ASTN2: variants seen among roughly 807,000 people sequenced by gnomAD.
ASTN2 encodes the protein astrotactin 2.
In ASTN2, 54 loss-of-function variants were observed where a neutral mutation model predicts 139.8. The ratio of observed to expected loss-of-function variants is 0.39; its 90% CI spans 0.31 to 0.48. The LOEUF (loss-of-function observed/expected upper bound fraction) is 0.48, where lower values mean the gene tolerates loss of function less well. ASTN2 is among the 20% of genes least tolerant of loss of function. ASTN2 has a pLI of 0.95. For missense variants in ASTN2, 1,565 were observed against 1,725.1 expected, an observed-to-expected ratio of 0.91 and a Z score of 1.64; for synonymous variants, 756 against 719.5, an observed-to-expected ratio of 1.05 and a Z score of -0.81.
At chr9:116,760,460 A>G (rs1301947144) in intron 13 of ASTN2, among the ~76,000 whole-genome samples, 1 of 152,200 alleles carries the variant, frequency 6.6e-6, no homozygotes, top group African/African-American at 2.4e-5. Context: ...TCTGACATAC[A>G]AAGCTTAACA....
intron 11 of ASTN2, among the ~76,000 whole-genome samples, chr9:116,846,459 G>C (rs757825303): frequency 6.6e-6 from 1 of 152,190 alleles, no homozygotes; most frequent in Non-Finnish European, 1.5e-5. Flanking sequence ...ACCAACTGGA[G>C]GGACCGGATC....
chr9:116,796,906 G>A (rs1306731465), intron 13 of ASTN2, among the ~76,000 whole-genome samples: 2 of 152,000 alleles, frequency 1.3e-5, no homozygotes, highest in Non-Finnish European at 2.9e-5. Context: ...TAAATTCCTG[G>A]GCTCTAGTGA....
chr9:116,623,540 G>A (rs1477793080), intron 17 of ASTN2, among the ~76,000 whole-genome samples: 1 of 152,130 alleles, frequency 6.6e-6, no homozygotes, highest in African/African-American at 2.4e-5. Flanking sequence ...AGTCCAATTA[G>A]ATCCCGGGGG....
intron 13 of ASTN2, among the ~76,000 whole-genome samples, chr9:116,775,178 C>T (rs35424970): frequency 0.17 from 25,752 of 151,780 alleles, 2,401 homozygotes; most frequent in Middle Eastern, 0.28. Context: ...GAGCTCCAGG[C>T]CCCCAGGATG....
chr9:116,660,438 C>T (rs1051267232), intron 16 of ASTN2, among the ~76,000 whole-genome samples: 1 of 152,158 alleles, frequency 6.6e-6, no homozygotes, highest in South Asian at 2.1e-4. Flanking sequence ...GGAACAAGAC[C>T]TTAACCTCTC....
rs543558178 is a variant in ASTN2 at position 116,673,675 on chromosome 9, C to CA, written c.2807-21883dup. On this transcript the variant is annotated intron_variant, in intron 16 of 22. Coordinates refer to ENST00000313400, the MANE Select transcript of ASTN2 (RefSeq NM_001365068.1). ...AGATTGAAGTTATGCTCACACAAGG[C>CA]AAAAAAATGCCTGGGGCCACCAGAA... is the stretch of plus-strand genomic sequence containing the variant. Among the ~76,000 whole-genome samples, 21 of 151,998 alleles carry CA rather than the reference C, an allele frequency of 1.4e-4. No individual in the cohort carries two copies. The East Asian group carries it at 2.3e-3, about 17-fold the overall frequency.
At chr9:116,887,852 G>A (rs182967818) in intron 10 of ASTN2, among the ~76,000 whole-genome samples, 2 of 151,678 alleles carry the variant, frequency 1.3e-5, no homozygotes, top group Non-Finnish European at 2.9e-5. Context: ...ATTTTTTTTA[G>A]AGATGAGGTT....
At chr9:117,097,228 G>C (rs1411906480) in intron 4 of ASTN2, among the ~76,000 whole-genome samples, 1 of 152,186 alleles carries the variant, frequency 6.6e-6, no homozygotes, top group Non-Finnish European at 1.5e-5. Context: ...ACTCAGAGGA[G>C]TGTGGAGGGA....
intron 19 of ASTN2, among the ~76,000 whole-genome samples, chr9:116,561,122 G>A (rs2131662894): frequency 6.6e-6 from 1 of 152,208 alleles, no homozygotes; most frequent in East Asian, 1.9e-4. Context: ...GTGTGTCCCT[G>A]CTTCAAACTC....
At chr9:117,048,435 G>C (rs1838807334) in intron 5 of ASTN2, among the ~76,000 whole-genome samples, 1 of 152,170 alleles carries the variant, frequency 6.6e-6, no homozygotes, top group Non-Finnish European at 1.5e-5. Flanking sequence ...AAAGCCACTG[G>C]GGAACACCTT....
chr9:116,558,164 C>G (rs1011608751), intron 19 of ASTN2, among the ~76,000 whole-genome samples: 1 of 152,172 alleles, frequency 6.6e-6, no homozygotes, highest in Admixed American at 6.5e-5. Context: ...ACAGCCCCCA[C>G]CCCATCTTGA....
chr9:117,144,983 C>T (rs941281707), intron 3 of ASTN2, among the ~76,000 whole-genome samples: 27 of 151,992 alleles, frequency 1.8e-4, no homozygotes, highest in African/African-American at 6.3e-4. Context: ...ACGCCTGGCT[C>T]TTTTTTTTTA....
chr9:117,211,852 A>G (rs1183214406), intron 3 of ASTN2, among the ~76,000 whole-genome samples: 1 of 152,186 alleles, frequency 6.6e-6, no homozygotes, highest in Non-Finnish European at 1.5e-5. Context: ...GTAACCAAAG[A>G]GGTAAAAGAT....
At chr9:116,589,955 C>T (rs1307395681) in intron 19 of ASTN2, among the ~76,000 whole-genome samples, 2 of 152,234 alleles carry the variant, frequency 1.3e-5, no homozygotes, top group Non-Finnish European at 2.9e-5. Flanking sequence ...CAAATTTTCA[C>T]AGCCACTCCA....
At chr9:116,873,379 C>T (rs1214225978) in intron 10 of ASTN2, among the ~76,000 whole-genome samples, 1 of 152,210 alleles carries the variant, frequency 6.6e-6, no homozygotes, top group Non-Finnish European at 1.5e-5. Flanking sequence ...AAGCCAGAGA[C>T]ATTCAGCAAG....
At chr9:117,258,724 C>A (rs1833751260) in intron 2 of ASTN2, among the ~76,000 whole-genome samples, 1 of 152,150 alleles carries the variant, frequency 6.6e-6, no homozygotes, top group Non-Finnish European at 1.5e-5. Flanking sequence ...ACCACTTCCA[C>A]TCCCTAAAAC....
chr9:116,805,677 C>T lies in ASTN2; in HGVS notation c.2351G>A (p.Arg784Gln), dbSNP rs140436099. The T allele has an allele frequency of 3.8e-4, 608 of 1,613,800 alleles. No homozygotes were observed. The highest frequency in any genetic ancestry group is 4.7e-4 in the Non-Finnish European group (551 of 1,179,854). Reference protein sequence around the residue: ...FGEMLHGYNNRTQHVNQGQVF... With the variant: ...FGEMLHGYNNQTQHVNQGQVF... Reference sequence around the variant, plus strand: ...TTGGCCTTGGTTCACATGCTGGGTCCGGTTGTTGTAACCATGTAGCATCTC... The same window carrying T: ...TTGGCCTTGGTTCACATGCTGGGTCTGGTTGTTGTAACCATGTAGCATCTC... The change falls in exon 13 of 23, where the codon CGG (arginine) becomes CAG (glutamine). Residue 784 changes from arginine to glutamine, a missense_variant. Arg to Gln is a conservative substitution (Grantham distance 43). Coordinates refer to ENST00000313400, the MANE Select transcript of ASTN2 (RefSeq NM_001365068.1).
chr9:116,501,821 G>C (rs996460424), intron 19 of ASTN2, among the ~76,000 whole-genome samples: 5 of 151,572 alleles, frequency 3.3e-5, no homozygotes, highest in African/African-American at 1.2e-4. Flanking sequence ...CCTGCACATT[G>C]TGCACGCGTA....
At chr9:116,596,978 G>C (rs1046438747) in intron 19 of ASTN2, among the ~76,000 whole-genome samples, 1 of 152,198 alleles carries the variant, frequency 6.6e-6, no homozygotes, top group African/African-American at 2.4e-5. Context: ...CTGCTCTCAC[G>C]TGTCAAGTTA....
Sources: gnomAD v4.1 joint callset for allele counts (sites outside exome capture counted in the v4.1 genomes callset) on GRCh38, gnomAD v4.1.1 for gene constraint, MANE v1.5 for transcripts, NCBI Gene and HGNC (gene_info 2026-07-23, HGNC 2026-07-21) for gene names.